Variants in ASIC2 observed in about 807,000 individuals in gnomAD.
ASIC2 encodes acid-sensing ion channel 2.
ASIC2 carries 25 observed loss-of-function variants against 57.3 expected under a neutral mutation model. The ratio of observed to expected loss-of-function variants is 0.44; its 90% CI spans 0.32 to 0.61. The LOEUF is 0.61. Ranked by LOEUF, ASIC2 falls within the 20% of genes least tolerant of loss-of-function variation. ASIC2 has a pLI of 0.06. For synonymous variants in ASIC2, 319 were observed against 307.5 expected (o/e 1.04, Z -0.39); for missense variants, 641 against 738.1 (o/e 0.87, Z 1.52).
intron 1 of ASIC2, among the ~76,000 whole-genome samples, chr17:33,145,875 A>ACAGGAATTGTGCC (rs1401706849): frequency 6.6e-6 from 1 of 152,202 alleles, no homozygotes; most frequent in African/African-American, 2.4e-5. Context: ...GGCACAGGGC[A>ACAGGAATTGTGCC]CAGGAATTGT....
chr17:33,633,106 T>C (rs138879189), intron 1 of ASIC2, among the ~76,000 whole-genome samples: 89 of 152,324 alleles, frequency 5.8e-4, no homozygotes, highest in Middle Eastern at 3.4e-3. Flanking sequence ...GCCTCAGTGC[T>C]GCCTTTCTTC....
At chr17:33,405,776 C>A (rs370567270) in intron 1 of ASIC2, among the ~76,000 whole-genome samples, 3 of 152,082 alleles carry the variant, frequency 2.0e-5, no homozygotes, top group African/African-American at 4.8e-5. Flanking sequence ...GCCACCACAC[C>A]GGGCCAAGAC....
chr17:33,708,601 G>T (rs1908931601), intron 1 of ASIC2, among the ~76,000 whole-genome samples: 1 of 152,104 alleles, frequency 6.6e-6, no homozygotes, highest in Non-Finnish European at 1.5e-5. Flanking sequence ...CTTTCCAAGT[G>T]CAGGTATGTG....
intron 1 of ASIC2, among the ~76,000 whole-genome samples, chr17:34,031,946 TTA>T (rs1402673746): frequency 2.0e-5 from 3 of 152,154 alleles, no homozygotes; most frequent in African/African-American, 7.2e-5. Context: ...CTGCAGGATA[TTA>T]TCCAGGAGAA....
Position 34,082,699 on chromosome 17 carries a change from T to A in ASIC2, c.555+73279A>T, listed in dbSNP as rs528700521. 2.0e-5 allele frequency among the ~76,000 whole-genome samples: 3 copies of A among 152,386 alleles called. No homozygotes were observed. In the East Asian group the frequency reaches 5.8e-4, roughly 29 times the overall value. ...GCTATGTGCTAGACCCTGTGCTAGGTACTTCATGCATTACCTTACTAAATC... is the reference window on the plus strand; with the variant it reads ...GCTATGTGCTAGACCCTGTGCTAGGAACTTCATGCATTACCTTACTAAATC... On this transcript the variant is annotated intron_variant, in intron 1 of 9. Coordinates refer to the ASIC2 transcript ENST00000359872.
chr17:33,720,958 C>G (rs1023230772), intron 1 of ASIC2, among the ~76,000 whole-genome samples: 1 of 152,202 alleles, frequency 6.6e-6, no homozygotes, highest in Non-Finnish European at 1.5e-5. Context: ...GTTGACCCAA[C>G]TGTGAAATGG....
intron 1 of ASIC2, among the ~76,000 whole-genome samples, chr17:33,870,435 T>C (rs1037288090): frequency 3.3e-5 from 5 of 151,826 alleles, no homozygotes; most frequent in African/African-American, 4.8e-5. Context: ...CACAACACTT[T>C]GCTTGACTTG....
At chr17:33,541,074 G>C (rs1260685995) in intron 1 of ASIC2, among the ~76,000 whole-genome samples, 1 of 146,400 alleles carries the variant, frequency 6.8e-6, no homozygotes, top group Non-Finnish European at 1.5e-5. Flanking sequence ...TTTTTTCTTA[G>C]GGAAAAAAAA....
chr17:33,735,074 C>A (rs905881478), intron 1 of ASIC2, among the ~76,000 whole-genome samples: 2 of 152,212 alleles, frequency 1.3e-5, no homozygotes, highest in African/African-American at 4.8e-5. Flanking sequence ...ATTCTCTCCT[C>A]TTACTCAATC....
intron 1 of ASIC2, among the ~76,000 whole-genome samples, chr17:33,415,068 C>T (rs1165187643): frequency 1.3e-5 from 2 of 152,214 alleles, no homozygotes; most frequent in Non-Finnish European, 2.9e-5. Context: ...CCTGTGGGGA[C>T]ATGGATAGAA....
intron 1 of ASIC2, among the ~76,000 whole-genome samples, chr17:33,613,542 T>TG (rs1240641895): frequency 6.6e-6 from 1 of 151,818 alleles, no homozygotes; most frequent in African/African-American, 2.4e-5. Context: ...TTTTTTGTGT[T>TG]TTTTCTCGTA....
intron 1 of ASIC2, among the ~76,000 whole-genome samples, chr17:33,557,220 T>C (rs949963003): frequency 1.3e-5 from 2 of 152,194 alleles, no homozygotes; most frequent in Non-Finnish European, 2.9e-5. Flanking sequence ...AAGTAACTTA[T>C]CTAGTCCCTA....
intron 1 of ASIC2, among the ~76,000 whole-genome samples, chr17:33,287,469 G>C (rs985609263): frequency 6.6e-6 from 1 of 152,156 alleles, no homozygotes; most frequent in East Asian, 1.9e-4. Flanking sequence ...CCAATTACTG[G>C]GAAGGCTCCC....
intron 1 of ASIC2, among the ~76,000 whole-genome samples, chr17:33,322,123 C>T (rs188832034): frequency 4.5e-4 from 69 of 152,276 alleles, no homozygotes; most frequent in African/African-American, 1.6e-3. Flanking sequence ...CTCTTGAACA[C>T]GTGGGAGTGG....
At chr17:33,769,973 T>C (rs1162325515) in intron 1 of ASIC2, among the ~76,000 whole-genome samples, 3 of 152,170 alleles carry the variant, frequency 2.0e-5, no homozygotes, top group Non-Finnish European at 4.4e-5. Context: ...ATGTTGGGGA[T>C]TGGGTTTCAA....
At chr17:33,190,100 T>A (rs112649495) in intron 1 of ASIC2, among the ~76,000 whole-genome samples, 279 of 152,248 alleles carry the variant, frequency 1.8e-3, no homozygotes, top group Admixed American at 5.4e-3. Flanking sequence ...TAAAACTGAC[T>A]TTTTTCACAG....
intron 3 of ASIC2, among the ~76,000 whole-genome samples, chr17:33,057,578 T>A (rs2092003156): frequency 6.6e-6 from 1 of 152,000 alleles, no homozygotes; most frequent in East Asian, 1.9e-4. Context: ...AACCCCAGAG[T>A]CTTCCAAGGT....
intron 1 of ASIC2, among the ~76,000 whole-genome samples, chr17:33,169,845 C>A (rs1905444190): frequency 6.6e-6 from 1 of 152,230 alleles, no homozygotes; most frequent in South Asian, 2.1e-4. Flanking sequence ...CTCACGGCTA[C>A]CTCTGGTAGC....
At chr17:33,782,256 AT>A (rs927279653) in intron 1 of ASIC2, among the ~76,000 whole-genome samples, 1 of 150,330 alleles carries the variant, frequency 6.7e-6, no homozygotes, top group African/African-American at 2.5e-5. Flanking sequence ...CCTTTATCTT[AT>A]TTTTTTCCCC....
Sources: gnomAD v4.1 joint callset for allele counts (sites outside exome capture counted in the v4.1 genomes callset) on GRCh38, gnomAD v4.1.1 for gene constraint, MANE v1.5 for transcripts, NCBI Gene and HGNC (gene_info 2026-07-23, HGNC 2026-07-21) for gene names.